The following ARHGEF28 variants were observed in gnomAD, a reference collection of about 807,000 sequenced individuals.
ARHGEF28 encodes the protein Rho guanine nucleotide exchange factor 28.
In ARHGEF28, 152 loss-of-function variants were observed where a neutral mutation model predicts 206.6. The observed-to-expected ratio is 0.74, with a 90% CI of 0.64 to 0.84. The LOEUF (loss-of-function observed/expected upper bound fraction) is 0.84. ARHGEF28 is among the 40% of genes least tolerant of loss of function. The pLI is 0.00. For synonymous variants in ARHGEF28, 763 were observed against 776.4 expected (o/e 0.98, Z 0.29); for missense variants, 2,028 against 2,073.2 (o/e 0.98, Z 0.42).
chr5:73,919,412 G>C (rs16871023), intron 35 of ARHGEF28, among the ~76,000 whole-genome samples: 3 of 152,070 alleles, frequency 2.0e-5, no homozygotes, highest in African/African-American at 7.3e-5. Context: ...ATAGCACAGC[G>C]TTTTGCTTCT....
At chr5:73,827,525 C>T (rs1386380960) in intron 9 of ARHGEF28, among the ~76,000 whole-genome samples, 2 of 152,150 alleles carry the variant, frequency 1.3e-5, no homozygotes, top group South Asian at 2.1e-4. Context: ...ATATTATTGC[C>T]TTATTTTACA....
At chr5:73,918,778 T>C (rs1376080120) in intron 35 of ARHGEF28, among the ~76,000 whole-genome samples, 1 of 152,140 alleles carries the variant, frequency 6.6e-6, no homozygotes, top group Non-Finnish European at 1.5e-5. Context: ...GGATAGGAAT[T>C]TGTTGCTAGA....
rs1751949645 is a variant in ARHGEF28 at position 73,750,130 on chromosome 5, A to G, written c.181+146A>G. ...TGTGCGTGCCTGTGTGTGTATGTGT[A>G]TATTAGGAAGAACACTCACATCTGA... is the stretch of plus-strand genomic sequence containing the variant. On this transcript the variant is annotated intron_variant, in intron 3 of 35. Coordinates refer to ENST00000513042, the MANE Select transcript of ARHGEF28 (RefSeq NM_001177693.2). 18 of 864,700 alleles carry G rather than the reference A, an allele frequency of 2.1e-5. No individual in the cohort carries two copies. The South Asian group carries it at 3.2e-4, about 16-fold the overall frequency. The allele number at this position is 864,700 out of a possible 1,614,324, so 53.6% of individuals were successfully genotyped here.
intron 7 of ARHGEF28, among the ~76,000 whole-genome samples, chr5:73,783,542 GGATGGGAGAGGCCTAGTGGAA>G (rs1458324746): frequency 2.6e-5 from 4 of 152,152 alleles, no homozygotes; most frequent in Non-Finnish European, 4.4e-5. Context: ...TATGGGGAAT[GGATGGGAGAGGCCTAGTGGAA>G]GATGGGGACC....
At chr5:73,754,819 C>G (rs927229437) in intron 4 of ARHGEF28, among the ~76,000 whole-genome samples, 1 of 151,892 alleles carries the variant, frequency 6.6e-6, no homozygotes, top group Non-Finnish European at 1.5e-5. Flanking sequence ...GCCTCAGATT[C>G]CCGGGTATCT....
At chr5:73,630,616 G>C (rs1437733803) in intron 1 of ARHGEF28, among the ~76,000 whole-genome samples, 1 of 152,184 alleles carries the variant, frequency 6.6e-6, no homozygotes, top group Non-Finnish European at 1.5e-5. Flanking sequence ...GACCCCAGGA[G>C]AAATTGCCCT....
At chr5:73,893,071 T>C in intron 27 of ARHGEF28, 126 bp from the exon 28 acceptor site, 1 of 725,536 alleles carries the variant, frequency 1.4e-6, no homozygotes, top group Non-Finnish European at 2.2e-6. Flanking sequence ...GGATGATGCA[T>C]TCCCTTTATG....
intron 1 of ARHGEF28, among the ~76,000 whole-genome samples, chr5:73,632,209 A>G (rs1421656): frequency 0.78 from 119,042 of 152,120 alleles, 47,029 homozygotes; most frequent in African/African-American, 0.89. Context: ...ACACTGGGGT[A>G]CAGGGGGAGG....
intron 4 of ARHGEF28, among the ~76,000 whole-genome samples, chr5:73,770,603 T>G (rs1753170257): frequency 6.6e-6 from 1 of 152,226 alleles, no homozygotes; most frequent in Non-Finnish European, 1.5e-5. Context: ...CAGTTTGTTT[T>G]GCTGGCTGCC....
chr5:73,916,565 G>T (rs1212161816), intron 35 of ARHGEF28, among the ~76,000 whole-genome samples: 1 of 152,158 alleles, frequency 6.6e-6, no homozygotes, highest in Admixed American at 6.5e-5. Flanking sequence ...TTCCCCCTGT[G>T]CCTGTCTGTG....
At chr5:73,882,172 A>G (rs955623280) in intron 22 of ARHGEF28, among the ~76,000 whole-genome samples, 5 of 152,312 alleles carry the variant, frequency 3.3e-5, no homozygotes, top group Admixed American at 3.3e-4. Context: ...ATAAATTGAA[A>G]TTATAAATTT....
intron 1 of ARHGEF28, among the ~76,000 whole-genome samples, chr5:73,672,004 G>A (rs548023906): frequency 6.6e-6 from 1 of 151,686 alleles, no homozygotes; most frequent in East Asian, 1.9e-4. Context: ...TGATCCACCC[G>A]CCTTGGCCTC....
At chr5:73,937,716 A>G (rs1298227954) in intron 35 of ARHGEF28, among the ~76,000 whole-genome samples, 1 of 152,228 alleles carries the variant, frequency 6.6e-6, no homozygotes, top group African/African-American at 2.4e-5. Flanking sequence ...TTACTTTTAT[A>G]TAGCAAGAAT....
chr5:73,770,304 C>T (rs1566609), intron 4 of ARHGEF28, among the ~76,000 whole-genome samples: 56,780 of 152,022 alleles, frequency 0.37, 12,778 homozygotes, highest in African/African-American at 0.64. Context: ...GCACAAACTC[C>T]ACACTCCCTT....
chr5:73,880,254 G>A (rs550416463), intron 22 of ARHGEF28, among the ~76,000 whole-genome samples: 69 of 152,342 alleles, frequency 4.5e-4, no homozygotes, highest in African/African-American at 1.6e-3. Flanking sequence ...TAATATCCTG[G>A]TGCGCCGTTT....
chr5:73,930,998 T>C (rs1425353885), intron 35 of ARHGEF28, among the ~76,000 whole-genome samples: 1 of 152,202 alleles, frequency 6.6e-6, no homozygotes, highest in African/African-American at 2.4e-5. Context: ...TTTATTTGGT[T>C]GGACATATCT....
chr5:73,727,028 G>A (rs1750313660), intron 2 of ARHGEF28, among the ~76,000 whole-genome samples: 2 of 152,140 alleles, frequency 1.3e-5, no homozygotes, highest in Non-Finnish European at 2.9e-5. Flanking sequence ...TTAGAGATTG[G>A]AAGCTTTTAA....
At chr5:73,702,854 C>G (rs188826972) in intron 2 of ARHGEF28, among the ~76,000 whole-genome samples, 9 of 152,306 alleles carry the variant, frequency 5.9e-5, no homozygotes, top group African/African-American at 1.7e-4. Flanking sequence ...TGCAACCAAT[C>G]TTCATCCTCC....
intron 4 of ARHGEF28, among the ~76,000 whole-genome samples, chr5:73,766,082 G>A (rs919134752): frequency 6.6e-6 from 1 of 151,724 alleles, no homozygotes. Context: ...AACCTGGGAG[G>A]TGGAGCTTGC....
Sources: allele counts gnomAD v4.1 joint callset (sites outside exome capture counted in the v4.1 genomes callset), GRCh38; gene constraint gnomAD v4.1.1; transcripts MANE v1.5; gene names NCBI Gene and HGNC (gene_info 2026-07-23, HGNC 2026-07-21).